Variants in SS18L1 observed in about 807,000 individuals in gnomAD.
SS18L1 encodes the protein SS18L1 subunit of BAF chromatin remodeling complex.
Under a neutral mutation model 70.3 loss-of-function variants are expected in SS18L1, and 32 were observed. The observed-to-expected ratio is 0.46, with a 90% CI of 0.34 to 0.61. The LOEUF (loss-of-function observed/expected upper bound fraction) is 0.61, where lower values mean the gene tolerates loss of function less well. Among genes scored for constraint, SS18L1 ranks in the 20% least tolerant of loss-of-function variants. SS18L1 has a pLI of 0.01. For synonymous variants in SS18L1, 237 were observed against 229.7 expected (o/e 1.03, Z -0.29); for missense variants, 430 against 542.1 (o/e 0.79, Z 2.05).
chr20:62,176,564 C>T (rs1256664131), intron 10 of SS18L1, among the ~76,000 whole-genome samples: 1 of 151,820 alleles, frequency 6.6e-6, no homozygotes, highest in African/African-American at 2.4e-5. Context: ...CCTGTAATTC[C>T]AGCACTTTGG....
intron 9 of SS18L1, among the ~76,000 whole-genome samples, chr20:62,173,487 A>G (rs1439148692): frequency 6.6e-6 from 1 of 152,122 alleles, no homozygotes; most frequent in East Asian, 1.9e-4. Context: ...AGGTGGGCGG[A>G]TGACCTGAGG....
chr20:62,170,254 T>C (rs1367861984), intron 8 of SS18L1, among the ~76,000 whole-genome samples: 1 of 152,092 alleles, frequency 6.6e-6, no homozygotes, highest in African/African-American at 2.4e-5. Flanking sequence ...GCCTGTAATC[T>C]CAGCACTTTG....
intron 8 of SS18L1, among the ~76,000 whole-genome samples, chr20:62,172,054 C>T (rs1267789982): frequency 2.0e-5 from 3 of 151,536 alleles, no homozygotes; most frequent in East Asian, 1.9e-4. Context: ...CCCAGCTACT[C>T]GGGAGGCTGA....
rs914247874 is a variant in SS18L1 at position 62,159,700 on chromosome 20, G to A, written c.147-177G>A. The stretch of plus-strand genomic sequence containing the variant: ...TAGAGGCTGCCCTCCCGTCCCCACC[G>A]AGACCCCAGCACCCTGCCACCTGCC... On this transcript the variant is annotated intron_variant, in intron 2 of 10. Transcript: ENST00000331758. The surrounding 1 kb of genome is among the most constrained non-coding windows in gnomAD (Gnocchi z 4.4). Among the ~76,000 whole-genome samples, 1 of 152,100 alleles carries A rather than the reference G, an allele frequency of 6.6e-6. No homozygotes were observed. The highest frequency in any genetic ancestry group is 2.1e-4 in the South Asian group (1 of 4,818).
rs952322212 is a variant in SS18L1, at chr20:62,159,327, T to A, written c.147-550T>A. On this transcript the variant is annotated intron_variant, in intron 2 of 10. Coordinates refer to ENST00000331758, the MANE Select transcript of SS18L1 (RefSeq NM_198935.3). This position sits in a 1 kb window ranked among gnomAD's most constrained non-coding sequence, Gnocchi z 4.4. ...TGTCCAAGTGGCCGTCAGACTGACC[T>A]GGAGGTGGGAAGTGCGTGAATGGCC... Among the ~76,000 whole-genome samples, 6 of 152,168 alleles carry A rather than the reference T, an allele frequency of 3.9e-5. No homozygotes were observed. The highest frequency in any genetic ancestry group is 4.4e-5 in the Non-Finnish European group (3 of 68,012).
At chr20:62,170,310 C>T (rs1389778057) in intron 8 of SS18L1, among the ~76,000 whole-genome samples, 2 of 152,150 alleles carry the variant, frequency 1.3e-5, no homozygotes, top group African/African-American at 2.4e-5. Context: ...TCGAGACCAT[C>T]GTGGCTAACA....
chr20:62,143,799 G>A lies in SS18L1; in HGVS notation c.-22G>A, dbSNP rs747216932. The A allele has an allele frequency of 2.4e-5, 33 of 1,349,338 alleles. No homozygotes were observed. In the Middle Eastern group the frequency reaches 8.5e-4, roughly 35 times the overall value. 83.6% of individuals were successfully genotyped at this position (1,349,338 alleles called of 1,614,324 possible). On this transcript the variant is annotated 5_prime_UTR_variant, in exon 1 of 11. Transcript: ENST00000331758. ...CGGAGTATCCACCTCGATGACCACG[G>A]GCTGAGCCCCGCGCCGCCACCATGT... is the stretch of plus-strand genomic sequence containing the variant.
In SS18L1 at chr20:62,174,480, GT is replaced by G; in HGVS notation, c.1037-33del. 1 of 1,569,922 alleles carries G rather than the reference GT, an allele frequency of 6.4e-7. No homozygotes were observed. The highest frequency in any genetic ancestry group is 8.6e-7 in the Non-Finnish European group (1 of 1,157,500). ...AAGAAAAAAAAAGAAAGAGGTGTCCGTTTTGGCCGGCCTCACGGTTCCTGGT... is the reference window on the plus strand; with the variant it reads ...AAGAAAAAAAAAGAAAGAGGTGTCCGTTTGGCCGGCCTCACGGTTCCTGGT... On this transcript the variant is annotated intron_variant, in intron 9 of 10. Transcript: ENST00000331758. The surrounding 1 kb of genome is among the most constrained non-coding windows in gnomAD (Gnocchi z 4.1).
In SS18L1 at chr20:62,163,471, G is replaced by C. The variant is rs1256544277; in HGVS notation, c.570G>C (p.Gln190His). Residue 190 changes from glutamine to histidine, a missense_variant, in exon 6 of 11, where the codon CAG (glutamine) becomes CAC (histidine). Coordinates refer to ENST00000331758, the MANE Select transcript of SS18L1 (RefSeq NM_198935.3). ...CCTGTCGTTCAGTCTCCATGATGCAGCAGCAGGCGGCCACGTCGCACTACA... is the reference window on the plus strand; with the variant it reads ...CCTGTCGTTCAGTCTCCATGATGCACCAGCAGGCGGCCACGTCGCACTACA... The part of the protein sequence containing the change: ...NMQSNPVSMM[Q>H]QQAATSHYSS... The C allele has an allele frequency of 4.3e-6, 7 of 1,612,276 alleles. No homozygotes were observed. The highest frequency in any genetic ancestry group is 5.9e-6 in the Non-Finnish European group (7 of 1,179,872).
At chr20:62,153,394 C>T (rs765802123) in intron 1 of SS18L1, among the ~76,000 whole-genome samples, 6 of 152,130 alleles carry the variant, frequency 3.9e-5, no homozygotes, top group Non-Finnish European at 8.8e-5. Context: ...GCTGTCTTGC[C>T]CTTCTCAAGG....
intron 8 of SS18L1, among the ~76,000 whole-genome samples, chr20:62,171,185 A>C (rs2057525497): frequency 6.6e-6 from 1 of 152,200 alleles, no homozygotes; most frequent in African/African-American, 2.4e-5. Context: ...TACAGGCGTG[A>C]GCCACCGCAC....
At chr20:62,162,664 A>T in intron 4 of SS18L1, 88 bp from the exon 5 acceptor site, 1 of 1,404,008 alleles carries the variant, frequency 7.1e-7, no homozygotes, top group Non-Finnish European at 9.6e-7. Context: ...TCCCAAAGTC[A>T]CTTGAAGGGA....
At chr20:62,169,489 A>G (rs2057492061) in intron 8 of SS18L1, among the ~76,000 whole-genome samples, 1 of 152,202 alleles carries the variant, frequency 6.6e-6, no homozygotes. Flanking sequence ...TAAATTAAAC[A>G]TCATTGGGGC....
intron 10 of SS18L1, among the ~76,000 whole-genome samples, chr20:62,178,681 G>A (rs1272498271): frequency 6.6e-6 from 1 of 152,146 alleles, no homozygotes; most frequent in African/African-American, 2.4e-5. Flanking sequence ...CAAGTATCTG[G>A]GACTATTGGC....
intron 1 of SS18L1, among the ~76,000 whole-genome samples, chr20:62,150,021 G>C (rs1294321400): frequency 6.6e-6 from 1 of 152,256 alleles, no homozygotes; most frequent in East Asian, 1.9e-4. Flanking sequence ...GGCACATGCA[G>C]AGGCGGCTGC....
At chr20:62,155,143 C>T (rs1016670818) in intron 1 of SS18L1, among the ~76,000 whole-genome samples, 4 of 152,078 alleles carry the variant, frequency 2.6e-5, no homozygotes, top group East Asian at 1.9e-4. Context: ...TGGCTCATGC[C>T]TGTAATGAGC....
At chr20:62,145,318 A>AG (rs11394882) in intron 1 of SS18L1, among the ~76,000 whole-genome samples, 124,658 of 152,076 alleles carry the variant, frequency 0.82, 51,243 homozygotes, top group Middle Eastern at 0.86. Context: ...ACTGAGGCCT[A>AG]GGGGGGCTAA....
At chr20:62,172,985 G>A (rs555923778) in intron 9 of SS18L1, among the ~76,000 whole-genome samples, 184 bp downstream of exon 9, 105 of 152,364 alleles carry the variant, frequency 6.9e-4, no homozygotes, top group African/African-American at 2.4e-3. Context: ...ATGTGGGTAC[G>A]TGCCCGGTGA....
Position 62,158,356 on chromosome 20 carries a change from T to C in SS18L1, c.70-316T>C, listed in dbSNP as rs967144302. ...CTGAGGCAATGCACGTAACGACAGTTTCGTATACAGAACAGGCGTAGCATC... is the reference window on the plus strand; with the variant it reads ...CTGAGGCAATGCACGTAACGACAGTCTCGTATACAGAACAGGCGTAGCATC... On this transcript the variant is annotated intron_variant, in intron 1 of 10. Transcript: ENST00000331758. This position sits in a 1 kb window ranked among gnomAD's most constrained non-coding sequence, Gnocchi z 4.5. Among the ~76,000 whole-genome samples the C allele has an allele frequency of 2.6e-5, 4 of 151,286 alleles. No individual in the cohort carries two copies. The highest frequency in any genetic ancestry group is 9.7e-5 in the African/African-American group (4 of 41,124).
Sources: allele counts gnomAD v4.1 joint callset (sites outside exome capture counted in the v4.1 genomes callset), GRCh38; gene constraint gnomAD v4.1.1; non-coding constraint Gnocchi (gnomAD v3.1); transcripts MANE v1.5; gene names NCBI Gene and HGNC (gene_info 2026-07-23, HGNC 2026-07-21).